COL4A1: variants seen among roughly 807,000 people sequenced by gnomAD.
COL4A1 encodes the protein collagen type IV alpha 1 chain.
COL4A1 carries 40 observed loss-of-function variants against 216.6 expected under a neutral mutation model. The observed-to-expected ratio is 0.18, with a 90% CI of 0.14 to 0.24. The LOEUF is 0.24. COL4A1 is among the 10% of genes least tolerant of loss of function. COL4A1 has a pLI of 1.00. For synonymous variants in COL4A1, 839 were observed against 810.7 expected, an observed-to-expected ratio of 1.03 and a Z score of -0.59; for missense variants, 1,628 against 2,196.8, an observed-to-expected ratio of 0.74 and a Z score of 5.18.
intron 1 of COL4A1, among the ~76,000 whole-genome samples, chr13:110,250,987 C>T (rs916183119): frequency 9.2e-5 from 14 of 152,242 alleles, no homozygotes; most frequent in Non-Finnish European, 1.9e-4. Flanking sequence ...CCCGGTTCCC[C>T]GGATTCTTTT....
In COL4A1 at chr13:110,211,677, A is replaced by C. The variant is rs1879802048; in HGVS notation, c.442-4T>G. 1.2e-6 allele frequency: 2 copies of C among 1,611,190 alleles called. No individual in the cohort carries two copies. Among genetic ancestry groups the C allele is most frequent in the Non-Finnish European group, 1.7e-6 (2 of 1,178,860 alleles). On this transcript the variant is annotated splice_region_variant and splice_polypyrimidine_tract_variant and intron_variant, in intron 7 of 51. Coordinates refer to ENST00000375820, the MANE Select transcript of COL4A1 (RefSeq NM_001845.6). The surrounding 1 kb of genome is among the most constrained non-coding windows in gnomAD (Gnocchi z 4.3). ...TCCCTGGTAAGCCTGGTGGTCCCTAAAAAAGAAAGTTTTGGTGTTAGTTTT... is the reference window on the plus strand; with the variant it reads ...TCCCTGGTAAGCCTGGTGGTCCCTACAAAAGAAAGTTTTGGTGTTAGTTTT...
Position 110,203,598 on chromosome 13 carries a change from C to A in COL4A1, c.967G>T (p.Gly323Cys), listed in dbSNP as rs202188538. The change falls in exon 18 of 52, where the codon GGT becomes TGT. Residue 323 changes from glycine (G) to cysteine (C), a missense_variant. Coordinates refer to ENST00000375820, the MANE Select transcript of COL4A1 (RefSeq NM_001845.6). ...IGRQGPQGEK[G>C]EAGPPGPPGI... is the part of the protein sequence containing the mutation. Reference sequence around the variant, plus strand: ...GGTGGGCCAGGAGGACCTGCTTCACCCTTTTCTCCCTACAAAAGAAAAAAT... The same window carrying A: ...GGTGGGCCAGGAGGACCTGCTTCACACTTTTCTCCCTACAAAAGAAAAAAT... 1.2e-6 allele frequency: 2 copies of A among 1,614,116 alleles called. No individual in the cohort carries two copies. The highest frequency in any genetic ancestry group is 8.5e-7 in the Non-Finnish European group (1 of 1,180,028).
intron 1 of COL4A1, among the ~76,000 whole-genome samples, chr13:110,298,197 C>G (rs573351946): frequency 3.3e-5 from 5 of 152,210 alleles, no homozygotes; most frequent in African/African-American, 1.2e-4. Flanking sequence ...TTATTATTTT[C>G]AAGTATTTGG....
chr13:110,263,109 A>G (rs1434007609), intron 1 of COL4A1, among the ~76,000 whole-genome samples: 1 of 152,222 alleles, frequency 6.6e-6, no homozygotes, highest in East Asian at 1.9e-4. Context: ...CGCAGCAGAA[A>G]GCAGTCAAGG....
chr13:110,153,660 A>G (rs1463289020), intron 50 of COL4A1, among the ~76,000 whole-genome samples: 1 of 152,244 alleles, frequency 6.6e-6, no homozygotes, highest in African/African-American at 2.4e-5. Flanking sequence ...TCGATAAAGT[A>G]GTTACAATGC....
At position 110,228,571 on chromosome 13, in the gene COL4A1, C is replaced by G. The variant is rs533602872; in HGVS notation, c.144+14104G>C. Among the ~76,000 whole-genome samples, 3 of 152,294 alleles carry G rather than the reference C, an allele frequency of 2.0e-5. No homozygotes were observed. In the East Asian group the frequency reaches 5.8e-4, roughly 29 times the overall value. ...TTCTTTGAAACACAGGGAAGACACA[C>G]ATTTAGGATTAACGATATAACTTCC... On this transcript the variant is annotated intron_variant, in intron 2 of 51. Coordinates refer to ENST00000375820, the MANE Select transcript of COL4A1 (RefSeq NM_001845.6).
At chr13:110,286,615 G>C (rs531186121) in intron 1 of COL4A1, among the ~76,000 whole-genome samples, 1 of 152,194 alleles carries the variant, frequency 6.6e-6, no homozygotes, top group Non-Finnish European at 1.5e-5. Flanking sequence ...TAGGCACCCC[G>C]GAGTGCCAGA....
At chr13:110,248,041 A>G (rs999154364) in intron 1 of COL4A1, among the ~76,000 whole-genome samples, 5 of 152,126 alleles carry the variant, frequency 3.3e-5, no homozygotes, top group African/African-American at 1.2e-4. Flanking sequence ...ACATCCCACC[A>G]AATAGGGACA....
chr13:110,184,141 T>C (rs1878300808), intron 26 of COL4A1, among the ~76,000 whole-genome samples: 1 of 152,126 alleles, frequency 6.6e-6, no homozygotes. Context: ...AAGACATCTG[T>C]TTTCTAATCT....
chr13:110,241,224 T>C (rs568284920), intron 2 of COL4A1, among the ~76,000 whole-genome samples: 1 of 152,162 alleles, frequency 6.6e-6, no homozygotes, highest in African/African-American at 2.4e-5. Flanking sequence ...TATGTAAAGC[T>C]CCAGAGCCAG....
At chr13:110,176,583 C>T in intron 35 of COL4A1, 43 bp downstream of exon 35, 1 of 1,593,662 alleles carries the variant, frequency 6.3e-7, no homozygotes, top group Middle Eastern at 1.7e-4. Flanking sequence ...CAGGCCTCAT[C>T]CTGAGCCCTT....
At chr13:110,205,073 GA>G (rs2139195837) in intron 17 of COL4A1, among the ~76,000 whole-genome samples, 1 of 152,180 alleles carries the variant, frequency 6.6e-6, no homozygotes, top group African/African-American at 2.4e-5. Context: ...TTTACCTCGT[GA>G]TATCTTTCTG....
intron 36 of COL4A1, 127 bp downstream of exon 36, chr13:110,176,297 A>G: frequency 1.4e-6 from 1 of 739,254 alleles, no homozygotes; most frequent in East Asian, 2.6e-5. Flanking sequence ...GGGGATGTGA[A>G]TTCATGTGAA....
chr13:110,201,670 G>T (rs778965631), intron 18 of COL4A1, 148 bp from the exon 19 acceptor site: 1 of 816,400 alleles, frequency 1.2e-6, no homozygotes, highest in Non-Finnish European at 2.1e-6. Context: ...CGGACAAGGA[G>T]GAAGGGGATA....
chr13:110,294,585 G>T (rs1884198223), intron 1 of COL4A1, among the ~76,000 whole-genome samples: 1 of 152,134 alleles, frequency 6.6e-6, no homozygotes, highest in East Asian at 1.9e-4. Context: ...CCAAAAATTG[G>T]AACAACTCAA....
intron 2 of COL4A1, among the ~76,000 whole-genome samples, chr13:110,232,084 T>C (rs1881089883): frequency 6.6e-6 from 1 of 152,238 alleles, no homozygotes; most frequent in Non-Finnish European, 1.5e-5. Flanking sequence ...TAGCCAGGAA[T>C]CACTGTTAGC....
At chr13:110,178,891 G>A in intron 31 of COL4A1, 32 bp downstream of exon 31, 1 of 1,546,634 alleles carries the variant, frequency 6.5e-7, no homozygotes, top group Non-Finnish European at 8.9e-7. Context: ...CATGCTTTTG[G>A]GAACAGATAA....
In COL4A1 at chr13:110,270,163, C is replaced by T. The variant is rs572362034; in HGVS notation, c.85-27429G>A. Reference sequence around the variant, plus strand: ...GACTGTGAAGCTGCTGTGAAGGCTGCGACCTTCTTCAGAGAAATAACAGGA... The same window carrying T: ...GACTGTGAAGCTGCTGTGAAGGCTGTGACCTTCTTCAGAGAAATAACAGGA... On this transcript the variant is annotated intron_variant, in intron 1 of 51. Coordinates refer to ENST00000375820, the MANE Select transcript of COL4A1 (RefSeq NM_001845.6). 3.9e-5 allele frequency among the ~76,000 whole-genome samples: 6 copies of T among 152,324 alleles called. No individual in the cohort carries two copies. In the East Asian group the frequency reaches 9.7e-4, roughly 25 times the overall value.
At chr13:110,215,206 G>C (rs1055497474) in intron 2 of COL4A1, among the ~76,000 whole-genome samples, 1 of 152,136 alleles carries the variant, frequency 6.6e-6, no homozygotes, top group African/African-American at 2.4e-5. Context: ...AAGATGCTTA[G>C]CCTCCCTTGG....
Sources: allele counts gnomAD v4.1 joint callset (sites outside exome capture counted in the v4.1 genomes callset), GRCh38; gene constraint gnomAD v4.1.1; non-coding constraint Gnocchi (gnomAD v3.1); transcripts MANE v1.5; gene names NCBI Gene and HGNC (gene_info 2026-07-23, HGNC 2026-07-21).